SENP2: variants seen among roughly 807,000 people sequenced by gnomAD.
SENP2 encodes the protein sentrin-specific protease 2.
In SENP2, 16 loss-of-function variants were observed where a neutral mutation model predicts 86.3. The observed-to-expected ratio is 0.19, with a 90% confidence interval of 0.13 to 0.28. The LOEUF (loss-of-function observed/expected upper bound fraction) is 0.28. SENP2 is among the 10% of genes least tolerant of loss of function. SENP2 has a pLI of 1.00. For missense variants in SENP2, 552 were observed against 703.0 expected (o/e 0.79, Z 2.43); for synonymous variants, 222 against 238.7 (o/e 0.93, Z 0.64).
intron 11 of SENP2, among the ~76,000 whole-genome samples, chr3:185,616,984 A>ATG (rs1711637449): frequency 6.6e-6 from 1 of 152,160 alleles, no homozygotes; most frequent in Non-Finnish European, 1.5e-5. Context: ...TGGATCAATG[A>ATG]TGTGCTTCAA....
At chr3:185,597,628 A>C (rs1722216495) in intron 2 of SENP2, among the ~76,000 whole-genome samples, 1 of 150,116 alleles carries the variant, frequency 6.7e-6, no homozygotes, top group East Asian at 2.0e-4. Context: ...AAGTGCTGGG[A>C]TTACAGTCAA....
chr3:185,596,077 T>C (rs913309685), intron 2 of SENP2, among the ~76,000 whole-genome samples: 5 of 152,166 alleles, frequency 3.3e-5, no homozygotes, highest in African/African-American at 4.8e-5. Context: ...ACGATTCTGC[T>C]GCCTCAGCCT....
intron 13 of SENP2, among the ~76,000 whole-genome samples, chr3:185,620,419 C>T (rs1440659707): frequency 1.3e-5 from 2 of 151,474 alleles, no homozygotes; most frequent in Non-Finnish European, 2.9e-5. Flanking sequence ...GGACGAAGTC[C>T]TTGTACTTGA....
intron 9 of SENP2, 99 bp from the exon 10 acceptor site, chr3:185,613,245 AT>A: frequency 1.3e-6 from 1 of 768,326 alleles, no homozygotes; most frequent in Non-Finnish European, 2.2e-6. Flanking sequence ...ACTCAACACA[AT>A]TTTTATGTAC....
intron 2 of SENP2, among the ~76,000 whole-genome samples, chr3:185,591,510 C>T (rs1159429612): frequency 6.6e-6 from 1 of 151,660 alleles, no homozygotes; most frequent in Non-Finnish European, 1.5e-5. Context: ...CGCCATCATG[C>T]CCGGCTAATT....
chr3:185,614,442 T>TG, intron 10 of SENP2, 122 bp from the exon 11 acceptor site: 2 of 956,432 alleles, frequency 2.1e-6, no homozygotes, highest in East Asian at 2.6e-5. Context: ...TCTACTCACT[T>TG]GGGGGATTTG....
At chr3:185,625,586 G>C (rs1300418309) in intron 15 of SENP2, among the ~76,000 whole-genome samples, 10 of 152,066 alleles carry the variant, frequency 6.6e-5, no homozygotes, top group Non-Finnish European at 1.5e-4. Flanking sequence ...GAGCTCAGTG[G>C]GGTTAGAATC....
Position 185,586,366 on chromosome 3 carries a change from G to A in SENP2, c.-48G>A, listed in dbSNP as rs780483212. On this transcript the variant is annotated 5_prime_UTR_variant, in exon 1 of 17. Coordinates refer to ENST00000296257, the MANE Select transcript of SENP2 (RefSeq NM_021627.3). The surrounding 1 kb of genome is among the most constrained non-coding windows in gnomAD (Gnocchi z 4.3). Reference sequence around the variant, plus strand: ...GCGGCAGCGGCGGCGACAGCTCTGGGGTTTGCGTCTCGGGGTGTGTCGGCC... The same window carrying A: ...GCGGCAGCGGCGGCGACAGCTCTGGAGTTTGCGTCTCGGGGTGTGTCGGCC... 8 of 1,611,652 alleles carry A rather than the reference G, an allele frequency of 5.0e-6. No individual in the cohort carries two copies. The Admixed American group carries it at 1.0e-4, about 20-fold the overall frequency.
At chr3:185,602,034 T>C (rs987198078) in intron 5 of SENP2, among the ~76,000 whole-genome samples, 2 of 152,218 alleles carry the variant, frequency 1.3e-5, no homozygotes, top group African/African-American at 4.8e-5. Flanking sequence ...CAGTGTTTTT[T>C]TTCTTTCTCT....
intron 16 of SENP2, among the ~76,000 whole-genome samples, chr3:185,628,419 G>T (rs752767429): frequency 6.6e-6 from 1 of 152,166 alleles, no homozygotes; most frequent in Non-Finnish European, 1.5e-5. Context: ...TTACAGGCAT[G>T]TGCCACCACG....
At chr3:185,594,243 T>C (rs935110786) in intron 2 of SENP2, among the ~76,000 whole-genome samples, 4 of 152,154 alleles carry the variant, frequency 2.6e-5, no homozygotes, top group African/African-American at 9.7e-5. Flanking sequence ...ATCTGTTTTA[T>C]GGATTCTATG....
At position 185,631,435 on chromosome 3, in the gene SENP2, CTCCCA is replaced by C. The variant is rs1712453969; in HGVS notation, c.*1592_*1596del. 1 of 18,750 alleles carries C rather than the reference CTCCCA, an allele frequency of 5.3e-5. No individual in the cohort carries two copies. Among genetic ancestry groups the C allele is most frequent in the South Asian group, 6.1e-3 (1 of 164 alleles). The allele number at this position is 18,750 out of a possible 1,614,324, so 1.2% of individuals were successfully genotyped here. A position where few individuals can be genotyped will look rare whatever the true frequency, so the allele number is the denominator to read the frequency against. ...GTTGTACCACACCTCTCCCCCCCCC[CTCCCA>C]CTCCCCCTCCCTCCCTCTCCCCTCC... On this transcript the variant is annotated 3_prime_UTR_variant, in exon 17 of 17. Coordinates refer to ENST00000296257, the MANE Select transcript of SENP2 (RefSeq NM_021627.3).
intron 2 of SENP2, among the ~76,000 whole-genome samples, chr3:185,592,005 A>ATTTTTT (rs1491210718): frequency 3.6e-5 from 1 of 28,046 alleles, no homozygotes; most frequent in East Asian, 2.9e-3. Context: ...AGAACCGGTA[A>ATTTTTT]TATTTCTTTT....
At chr3:185,608,670 T>C (rs1035249632) in intron 6 of SENP2, among the ~76,000 whole-genome samples, 13 of 152,134 alleles carry the variant, frequency 8.5e-5, no homozygotes, top group African/African-American at 3.1e-4. Context: ...CAAGAAGAGA[T>C]ACGGGCAAAC....
chr3:185,600,708 G>T, intron 4 of SENP2, 57 bp from the exon 5 acceptor site: 1 of 1,150,492 alleles, frequency 8.7e-7, no homozygotes, highest in Admixed American at 1.8e-5. Flanking sequence ...CTTTCCTTAT[G>T]CAGACTGTTT....
At chr3:185,623,925 A>G in intron 14 of SENP2, 73 bp from the exon 15 acceptor site, 1 of 745,974 alleles carries the variant, frequency 1.3e-6, no homozygotes, top group Non-Finnish European at 2.2e-6. Context: ...AACATCAGAA[A>G]GCCCTATGTA....
intron 5 of SENP2, among the ~76,000 whole-genome samples, chr3:185,605,401 A>G (rs191074875): frequency 6.6e-6 from 1 of 152,180 alleles, no homozygotes; most frequent in South Asian, 2.1e-4. Context: ...ATTCACTTAC[A>G]TGATCATGGA....
intron 1 of SENP2, among the ~76,000 whole-genome samples, chr3:185,588,568 C>G (rs140551889): frequency 7.2e-5 from 11 of 152,144 alleles, no homozygotes; most frequent in Non-Finnish European, 1.6e-4. Flanking sequence ...CTTGAGAGAA[C>G]AAGATGTCTA....
chr3:185,587,283 C>T (rs910489674), intron 1 of SENP2, among the ~76,000 whole-genome samples: 16 of 151,974 alleles, frequency 1.1e-4, no homozygotes, highest in African/African-American at 3.9e-4. Flanking sequence ...CAGGTGTGCA[C>T]CACCACGCCT....
Sources: allele counts gnomAD v4.1 joint callset (sites outside exome capture counted in the v4.1 genomes callset), GRCh38; gene constraint gnomAD v4.1.1; non-coding constraint Gnocchi (gnomAD v3.1); transcripts MANE v1.5; gene names NCBI Gene and HGNC (gene_info 2026-07-23, HGNC 2026-07-21).